EPHA10: variants seen among roughly 807,000 people sequenced by gnomAD.
The protein encoded by EPHA10 is EPH receptor A10, also known as ephrin type-A receptor 10.
EPHA10 carries 120 observed loss-of-function variants against 109.7 expected under a neutral mutation model. The observed-to-expected ratio is 1.09, with a 90% CI of 0.94 to 1.27. EPHA10 has a LOEUF of 1.27. Ranked by LOEUF, EPHA10 falls within the 50% of genes most tolerant of loss-of-function variation. The pLI, the probability that EPHA10 is intolerant of heterozygous loss-of-function variation, is 0.00. For synonymous variants in EPHA10, 640 were observed against 618.9 expected (o/e 1.03, Z -0.51); for missense variants, 1,396 against 1,411.1 (o/e 0.99, Z 0.17).
chr1:37,752,263 T>C (rs1411838829), intron 5 of EPHA10, among the ~76,000 whole-genome samples: 3 of 152,090 alleles, frequency 2.0e-5, no homozygotes, highest in Non-Finnish European at 2.9e-5. Flanking sequence ...GACTCAGAGA[T>C]GTATTGGCTG....
chr1:37,716,305 C>A lies in EPHA10; in HGVS notation c.*2067G>T. ...ACAGCCAGGGGCCCTTCTGCAGAAA[C>A]AGCTGGGGTAGGGGGAGGAGATTTT... is the stretch of plus-strand genomic sequence containing the variant. On this transcript the variant is annotated 3_prime_UTR_variant, in exon 17 of 17. Coordinates refer to ENST00000373048, the MANE Select transcript of EPHA10 (RefSeq NM_001099439.2). The A allele has an allele frequency of 4.0e-6, 1 of 250,086 alleles. No homozygotes were observed. Among genetic ancestry groups the A allele is most frequent in the Non-Finnish European group, 7.7e-6 (1 of 129,308 alleles). The allele number at this position is 250,086 out of a possible 1,614,324, so 15.5% of individuals were successfully genotyped here. A position where few individuals can be genotyped will look rare whatever the true frequency, so the allele number is the denominator to read the frequency against.
chr1:37,764,391 G>A lies in EPHA10; in HGVS notation c.106+570C>T, dbSNP rs1004642708. ...ATGCACAATCAGAGGCAAGACGCGGGCTCCAGTATCGCCGACAGCCTCAAA... is the reference window on the plus strand; with the variant it reads ...ATGCACAATCAGAGGCAAGACGCGGACTCCAGTATCGCCGACAGCCTCAAA... On this transcript the variant is annotated intron_variant, in intron 1 of 16. Transcript: ENST00000373048. The surrounding 1 kb of genome is among the most constrained non-coding windows in gnomAD (Gnocchi z 5.8). 6.6e-6 allele frequency among the ~76,000 whole-genome samples: 1 copy of A among 152,194 alleles called. No individual in the cohort carries two copies. The highest frequency in any genetic ancestry group is 1.5e-5 in the Non-Finnish European group (1 of 68,036).
At chr1:37,729,563 T>TA (rs1433524796) in intron 7 of EPHA10, among the ~76,000 whole-genome samples, 2 of 151,276 alleles carry the variant, frequency 1.3e-5, no homozygotes, top group South Asian at 4.2e-4. Flanking sequence ...TCGCTCTTTT[T>TA]AAAAAAAGAA....
At chr1:37,761,101 A>AAC in intron 3 of EPHA10, 3 of 1,184,958 alleles carry the variant, frequency 2.5e-6, no homozygotes, top group Non-Finnish European at 3.2e-6. Context: ...AAAAAAAAAA[A>AAC]AAACAATGAC....
chr1:37,731,365 G>C (rs767581825), intron 7 of EPHA10, 46 bp downstream of exon 7: 8 of 1,518,652 alleles, frequency 5.3e-6, no homozygotes, highest in Non-Finnish European at 7.1e-6. Flanking sequence ...GCCCCGTGCA[G>C]GGTTCTCTCT....
intron 3 of EPHA10, 111 bp downstream of exon 3, chr1:37,761,294 T>G (rs1003974826): frequency 1.3e-6 from 2 of 1,539,692 alleles, no homozygotes; most frequent in Admixed American, 1.9e-5. Flanking sequence ...GTCCAAGGCT[T>G]CTCCACCGCC....
At chr1:37,722,994 G>T (rs771902882) in intron 10 of EPHA10, 47 bp downstream of exon 10, 2 of 1,613,504 alleles carry the variant, frequency 1.2e-6, no homozygotes, top group East Asian at 4.5e-5. Flanking sequence ...CTATAGAGTG[G>T]GTGAGGCTTC....
At chr1:37,736,476 CAAAAAAAA>C (rs543417433) in intron 5 of EPHA10, among the ~76,000 whole-genome samples, 25 of 57,840 alleles carry the variant, frequency 4.3e-4, no homozygotes, top group East Asian at 7.9e-4. Context: ...AATTCTGTCT[CAAAAAAAA>C]AAAAAAAAAA....
chr1:37,716,488 C>T lies in EPHA10; in HGVS notation c.*1884G>A. On this transcript the variant is annotated 3_prime_UTR_variant, in exon 17 of 17. Coordinates refer to ENST00000373048, the MANE Select transcript of EPHA10 (RefSeq NM_001099439.2). ...CCAACCCTGACTAAGGTGGTAGCAA[C>T]ATCTTGGTCTCCCCAGTACCCCCAG... is the stretch of plus-strand genomic sequence containing the variant. The T allele has an allele frequency of 4.3e-6, 1 of 233,092 alleles. No individual in the cohort carries two copies. Among genetic ancestry groups the T allele is most frequent in the Non-Finnish European group, 8.5e-6 (1 of 118,068 alleles). 14.4% of individuals were successfully genotyped at this position (233,092 alleles called of 1,614,324 possible).
At chr1:37,737,467 C>T (rs1043954390) in intron 5 of EPHA10, among the ~76,000 whole-genome samples, 4 of 152,192 alleles carry the variant, frequency 2.6e-5, no homozygotes, top group Non-Finnish European at 4.4e-5. Context: ...CATGTATGGT[C>T]AAATGATCTC....
chr1:37,753,975 A>G (rs1041649223), intron 4 of EPHA10, among the ~76,000 whole-genome samples: 37 of 151,922 alleles, frequency 2.4e-4, no homozygotes, highest in Non-Finnish European at 4.9e-4. Context: ...AGGCATCCTA[A>G]CCCCATCCTC....
intron 3 of EPHA10, among the ~76,000 whole-genome samples, chr1:37,757,268 G>C (rs565036979): frequency 6.6e-6 from 1 of 152,186 alleles, no homozygotes; most frequent in Non-Finnish European, 1.5e-5. Context: ...AAGGGGAAAA[G>C]AACATATTCG....
At chr1:37,760,253 C>A (rs1021099737) in intron 3 of EPHA10, 3 of 1,020,732 alleles carry the variant, frequency 2.9e-6, no homozygotes, top group African/African-American at 1.7e-5. Context: ...GTTGCCCTGG[C>A]ACCCAGAAAA....
At chr1:37,748,380 A>T (rs1204596912) in intron 5 of EPHA10, among the ~76,000 whole-genome samples, 3 of 152,124 alleles carry the variant, frequency 2.0e-5, no homozygotes, top group Admixed American at 2.0e-4. Context: ...CAAATAAATA[A>T]AACTTTCTCT....
At chr1:37,755,393 C>G (rs1255305327) in intron 3 of EPHA10, among the ~76,000 whole-genome samples, 1 of 152,124 alleles carries the variant, frequency 6.6e-6, no homozygotes, top group Non-Finnish European at 1.5e-5. Flanking sequence ...AAATTCCCAA[C>G]TGGAAGTAAA....
At chr1:37,749,539 GGT>G (rs1377579063) in intron 5 of EPHA10, among the ~76,000 whole-genome samples, 3 of 151,950 alleles carry the variant, frequency 2.0e-5, no homozygotes, top group African/African-American at 7.2e-5. Context: ...CGGTTGTGGT[GGT>G]GTGTGCCTGT....
chr1:37,740,680 C>T (rs1284832395), intron 5 of EPHA10, among the ~76,000 whole-genome samples: 1 of 152,076 alleles, frequency 6.6e-6, no homozygotes, highest in African/African-American at 2.4e-5. Flanking sequence ...TGGATGATGT[C>T]AGATGAACAG....
intron 6 of EPHA10, among the ~76,000 whole-genome samples, chr1:37,734,954 G>A (rs76289671): frequency 1.6e-4 from 24 of 152,210 alleles, no homozygotes; most frequent in Admixed American, 1.4e-3. Flanking sequence ...CAAATGATAC[G>A]TATAAGATTC....
Position 37,716,580 on chromosome 1 carries a change from C to G in EPHA10, c.*1792G>C, listed in dbSNP as rs1345752482. On this transcript the variant is annotated 3_prime_UTR_variant, in exon 17 of 17. Transcript: ENST00000373048. ...GGGGGCTGGGGGGAGATTCCAAGAGCAGGGGAGCTGCTGCTGGCAGGGTAA... is the reference window on the plus strand; with the variant it reads ...GGGGGCTGGGGGGAGATTCCAAGAGGAGGGGAGCTGCTGCTGGCAGGGTAA... 2 of 232,826 alleles carry G rather than the reference C, an allele frequency of 8.6e-6. No individual in the cohort carries two copies. Among genetic ancestry groups the G allele is most frequent in the Admixed American group, 5.6e-5 (1 of 17,758 alleles). The allele number at this position is 232,826 out of a possible 1,614,324, so 14.4% of individuals were successfully genotyped here.
Sources: gnomAD v4.1 joint callset for allele counts (sites outside exome capture counted in the v4.1 genomes callset) on GRCh38, gnomAD v4.1.1 for gene constraint, Gnocchi (gnomAD v3.1) non-coding constraint, MANE v1.5 for transcripts, NCBI Gene and HGNC (gene_info 2026-07-23, HGNC 2026-07-21) for gene names.